FHIP1A: variants seen among roughly 807,000 people sequenced by gnomAD.
FHIP1A encodes FHF complex subunit HOOK interacting protein 1A, also known as FHF complex subunit HOOK-interacting protein 1A.
A neutral mutation model predicts 88.6 loss-of-function variants in FHIP1A; 61 were observed. That is an observed-to-expected ratio of 0.69 (90% CI 0.56 to 0.85). The LOEUF is 0.85. FHIP1A is among the 40% of genes least tolerant of loss of function. The probability of loss-of-function intolerance (pLI) is 0.00; values close to 1 mark genes in which losing one functional copy is unlikely to be tolerated. For missense variants in FHIP1A, 1,154 were observed against 1,273.5 expected (o/e 0.91, Z 1.43); for synonymous variants, 478 against 496.0 (o/e 0.96, Z 0.48).
intron 7 of FHIP1A, among the ~76,000 whole-genome samples, chr4:151,616,457 T>C (rs1468640549): frequency 2.1e-5 from 3 of 145,212 alleles, no homozygotes; most frequent in Admixed American, 6.8e-5. Flanking sequence ...TTTTTTTTTT[T>C]TTTTTTTTTG....
chr4:151,660,375 T>C (rs917532056), intron 13 of FHIP1A, among the ~76,000 whole-genome samples: 1 of 151,926 alleles, frequency 6.6e-6, no homozygotes, highest in East Asian at 1.9e-4. Flanking sequence ...GACAAATGAG[T>C]CACAAAACCC....
At chr4:151,554,621 T>G (rs1732875255) in intron 3 of FHIP1A, among the ~76,000 whole-genome samples, 1 of 152,114 alleles carries the variant, frequency 6.6e-6, no homozygotes, top group Non-Finnish European at 1.5e-5. Flanking sequence ...ATGCTGAAAA[T>G]TTTTGGACAT....
At chr4:151,619,616 A>G (rs1268881668) in intron 7 of FHIP1A, among the ~76,000 whole-genome samples, 1 of 152,228 alleles carries the variant, frequency 6.6e-6, no homozygotes, top group East Asian at 1.9e-4. Flanking sequence ...CTGCTTTATC[A>G]TGGGCTGCGA....
At chr4:151,447,745 A>G (rs959738582) in intron 1 of FHIP1A, among the ~76,000 whole-genome samples, 2 of 152,188 alleles carry the variant, frequency 1.3e-5, no homozygotes, top group Non-Finnish European at 2.9e-5. Flanking sequence ...TTCATTTGAT[A>G]CAAGTGGTAT....
intron 11 of FHIP1A, among the ~76,000 whole-genome samples, chr4:151,652,518 C>T (rs921590291): frequency 1.3e-5 from 2 of 152,166 alleles, no homozygotes; most frequent in African/African-American, 2.4e-5. Flanking sequence ...TTTTATTGAT[C>T]CCCTGAAGTT....
intron 3 of FHIP1A, among the ~76,000 whole-genome samples, chr4:151,509,201 C>T (rs956739811): frequency 5.9e-5 from 9 of 152,154 alleles, no homozygotes; most frequent in East Asian, 3.9e-4. Context: ...CTCACTCTGT[C>T]GCCCAGGCTG....
chr4:151,568,550 A>G (rs1733476804), intron 4 of FHIP1A, among the ~76,000 whole-genome samples: 1 of 152,194 alleles, frequency 6.6e-6, no homozygotes, highest in Non-Finnish European at 1.5e-5. Context: ...TTATTGTTCA[A>G]TGGAGATTTA....
At chr4:151,495,232 G>A (rs1580631903) in intron 3 of FHIP1A, among the ~76,000 whole-genome samples, 1 of 152,166 alleles carries the variant, frequency 6.6e-6, no homozygotes, top group South Asian at 2.1e-4. Context: ...GCCGAGTGTG[G>A]TGGCTCACCC....
chr4:151,625,303 G>A (rs1735911754), intron 7 of FHIP1A, among the ~76,000 whole-genome samples: 1 of 152,082 alleles, frequency 6.6e-6, no homozygotes, highest in Admixed American at 6.5e-5. Flanking sequence ...GCCAAGGAAG[G>A]GTGGCTTCTA....
chr4:151,505,091 T>A (rs1730786597), intron 3 of FHIP1A, among the ~76,000 whole-genome samples: 1 of 152,164 alleles, frequency 6.6e-6, no homozygotes, highest in South Asian at 2.1e-4. Context: ...GGAAGTAAGC[T>A]CCAGGCTATC....
chr4:151,416,276 A>G (rs920031357), intron 1 of FHIP1A, among the ~76,000 whole-genome samples: 3 of 152,176 alleles, frequency 2.0e-5, no homozygotes, highest in African/African-American at 7.2e-5. Context: ...GTTGATTAAT[A>G]TTTTTATTTA....
intron 1 of FHIP1A, among the ~76,000 whole-genome samples, chr4:151,429,994 G>A (rs1733535136): frequency 6.6e-6 from 1 of 152,136 alleles, no homozygotes; most frequent in Non-Finnish European, 1.5e-5. Flanking sequence ...ATGCATGAAG[G>A]CAGTCCTAAA....
At chr4:151,522,757 G>A (rs1731492343) in intron 3 of FHIP1A, among the ~76,000 whole-genome samples, 1 of 152,176 alleles carries the variant, frequency 6.6e-6, no homozygotes, top group South Asian at 2.1e-4. Context: ...ATCAATTTGT[G>A]TGTCTTTTTT....
rs1352162620 is a variant in FHIP1A, at chr4:151,650,378, C to A, written c.2337C>A (p.Pro779=). The A allele has an allele frequency of 1.3e-6, 2 of 1,551,578 alleles. No homozygotes were observed. The highest frequency in any genetic ancestry group is 1.7e-6 in the Non-Finnish European group (2 of 1,147,000). Residue 779 remains proline (P), a synonymous_variant, in exon 11 of 14, where the codon CCC becomes CCA. Transcript: ENST00000435205. ...AACAGAATTACCCCACACCTGATCCCTTGCTTCTCACTAAGGAGGAAGAAG... is the reference window on the plus strand; with the variant it reads ...AACAGAATTACCCCACACCTGATCCATTGCTTCTCACTAAGGAGGAAGAAG... ...LMEQNYPTPD[P]LLLTKEEEGK...
At position 151,662,987 on chromosome 4, in the gene FHIP1A, T is replaced by G. The variant is rs1354739757; in HGVS notation, c.*233T>G. The G allele has an allele frequency of 2.5e-6, 1 of 406,606 alleles. No individual in the cohort carries two copies. Among genetic ancestry groups the G allele is most frequent in the East Asian group, 3.9e-5 (1 of 25,532 alleles). The allele number at this position is 406,606 out of a possible 1,614,324, so 25.2% of individuals were successfully genotyped here. On this transcript the variant is annotated 3_prime_UTR_variant, in exon 14 of 14. Transcript: ENST00000435205. ...TAAGCTGGTTGCTCCCTTGGCAGTTTTCTTTGCTCTGTTTTTCCTCCTTAT... is the reference window on the plus strand; with the variant it reads ...TAAGCTGGTTGCTCCCTTGGCAGTTGTCTTTGCTCTGTTTTTCCTCCTTAT...
At chr4:151,531,526 AC>A (rs1731878274) in intron 3 of FHIP1A, among the ~76,000 whole-genome samples, 1 of 150,734 alleles carries the variant, frequency 6.6e-6, no homozygotes, top group Non-Finnish European at 1.5e-5. Flanking sequence ...TGCCTTATGA[AC>A]CAGTCTGGCC....
chr4:151,550,791 A>G (rs796423495), intron 3 of FHIP1A, among the ~76,000 whole-genome samples: 1 of 152,258 alleles, frequency 6.6e-6, no homozygotes, highest in African/African-American at 2.4e-5. Flanking sequence ...ATTTGCATGC[A>G]GGAGTTTGTT....
At chr4:151,587,844 T>C (rs1454701506) in intron 6 of FHIP1A, among the ~76,000 whole-genome samples, 1 of 152,062 alleles carries the variant, frequency 6.6e-6, no homozygotes, top group East Asian at 1.9e-4. Flanking sequence ...TTTTTTCCTT[T>C]AATATTGCAG....
At chr4:151,481,387 A>G (rs1202896047) in intron 2 of FHIP1A, among the ~76,000 whole-genome samples, 1 of 152,052 alleles carries the variant, frequency 6.6e-6, no homozygotes, top group South Asian at 2.1e-4. Context: ...TATGGAATGA[A>G]AAGTTTTTAA....
Sources: allele counts gnomAD v4.1 joint callset (sites outside exome capture counted in the v4.1 genomes callset), GRCh38; gene constraint gnomAD v4.1.1; transcripts MANE v1.5; gene names NCBI Gene and HGNC (gene_info 2026-07-23, HGNC 2026-07-21).